The following STAT3 variants were observed in gnomAD, a reference collection of about 807,000 sequenced individuals.
STAT3 encodes the protein DNA-binding protein APRF.
Under a neutral mutation model 114.3 loss-of-function variants are expected in STAT3, and 7 were observed. That is an observed-to-expected ratio of 0.06 (90% CI 0.03 to 0.11). STAT3 has a LOEUF of 0.11. Among genes scored for constraint, STAT3 ranks in the 10% least tolerant of loss-of-function variants. STAT3 has a pLI of 1.00. For synonymous variants in STAT3, 331 were observed against 354.5 expected (o/e 0.93, Z 0.74); for missense variants, 364 against 960.9 (o/e 0.38, Z 8.21).
intron 4 of STAT3, among the ~76,000 whole-genome samples, chr17:42,341,403 G>A (rs1040511294): frequency 2.0e-5 from 3 of 152,220 alleles, no homozygotes; most frequent in African/African-American, 7.2e-5. Flanking sequence ...AGCATGGCCT[G>A]GGCTTCAGCC....
chr17:42,323,713 C>A, intron 17 of STAT3, 88 bp from the exon 18 acceptor site: 1 of 1,182,740 alleles, frequency 8.5e-7, no homozygotes, highest in East Asian at 2.5e-5. Context: ...CACATTCATC[C>A]CACAATGGGC....
chr17:42,333,802 A>G lies in STAT3; in HGVS notation c.957-37T>C. On this transcript the variant is annotated intron_variant, in intron 9 of 23. Transcript: ENST00000264657. The surrounding 1 kb of genome is among the most constrained non-coding windows in gnomAD (Gnocchi z 5.2). ...GAAGATGGGCTCACGCGCCACGGCCATGACCAGAAGTCAGCCCGCCTCTCA... is the reference window on the plus strand; with the variant it reads ...GAAGATGGGCTCACGCGCCACGGCCGTGACCAGAAGTCAGCCCGCCTCTCA... 1.2e-6 allele frequency: 2 copies of G among 1,614,196 alleles called. No homozygotes were observed. The highest frequency in any genetic ancestry group is 1.7e-6 in the Non-Finnish European group (2 of 1,180,012).
intron 4 of STAT3, among the ~76,000 whole-genome samples, chr17:42,343,906 C>T (rs1452378883): frequency 6.6e-6 from 1 of 152,124 alleles, no homozygotes; most frequent in Admixed American, 6.6e-5. Context: ...CTTGGATCTT[C>T]GAGGAAGACC....
chr17:42,381,292 T>A (rs2145367006), intron 1 of STAT3, among the ~76,000 whole-genome samples: 1 of 152,212 alleles, frequency 6.6e-6, no homozygotes, highest in African/African-American at 2.4e-5. Flanking sequence ...AATTCAAAGG[T>A]CAGGTAAAAT....
chr17:42,318,995 C>T (rs1236847696), intron 21 of STAT3, among the ~76,000 whole-genome samples: 1 of 152,144 alleles, frequency 6.6e-6, no homozygotes, highest in East Asian at 1.9e-4. Flanking sequence ...AATCCCTGCA[C>T]TTTGGGAGGC....
chr17:42,317,092 T>C, intron 22 of STAT3, 90 bp downstream of exon 22: 1 of 1,599,242 alleles, frequency 6.3e-7, no homozygotes, highest in South Asian at 1.1e-5. Flanking sequence ...TTCCAACCTT[T>C]GGCAGATTAA....
Position 42,333,791 on chromosome 17 carries a change from G to A in STAT3, c.957-26C>T, listed in dbSNP as rs368742000. ...CTGAGGAAAGAGAAGATGGGCTCAC[G>A]CGCCACGGCCATGACCAGAAGTCAG... On this transcript the variant is annotated intron_variant, in intron 9 of 23. Transcript: ENST00000264657. This position sits in a 1 kb window ranked among gnomAD's most constrained non-coding sequence, Gnocchi z 5.2. 28 of 1,614,008 alleles carry A rather than the reference G, an allele frequency of 1.7e-5. No individual in the cohort carries two copies. In the African/African-American group the frequency reaches 1.9e-4, roughly 11 times the overall value.
At chr17:42,316,162 T>A in intron 23 of STAT3, 2 of 986,648 alleles carry the variant, frequency 2.0e-6, no homozygotes, top group Non-Finnish European at 2.6e-6. Flanking sequence ...GCTGTGGCTG[T>A]CAAAAGCCCA....
chr17:42,323,504 C>G, intron 18 of STAT3, 69 bp downstream of exon 18: 3 of 1,587,462 alleles, frequency 1.9e-6, no homozygotes, highest in South Asian at 2.2e-5. Context: ...GCCTTCAAGC[C>G]AGAGCCCTCA....
intron 1 of STAT3, among the ~76,000 whole-genome samples, chr17:42,365,262 A>C (rs2083714747): frequency 6.6e-6 from 1 of 152,226 alleles, no homozygotes; most frequent in Non-Finnish European, 1.5e-5. Context: ...AGGGGAGGCC[A>C]CAAGTAGGCA....
intron 1 of STAT3, among the ~76,000 whole-genome samples, chr17:42,379,933 T>C (rs1008072356): frequency 2.6e-5 from 4 of 152,246 alleles, no homozygotes; most frequent in Admixed American, 1.3e-4. Context: ...AATTATTCTT[T>C]CTCTCCTTTG....
chr17:42,331,564 G>C, intron 10 of STAT3, 33 bp from the exon 11 acceptor site: 1 of 1,547,106 alleles, frequency 6.5e-7, no homozygotes, highest in Non-Finnish European at 8.9e-7. Flanking sequence ...AGGAAAAAAA[G>C]TCAGTAACTC....
intron 8 of STAT3, among the ~76,000 whole-genome samples, chr17:42,335,145 GAC>G (rs2144847408): frequency 6.7e-6 from 1 of 149,486 alleles, no homozygotes; most frequent in South Asian, 2.1e-4. Context: ...TTTTTTTTGA[GAC>G]AGGGTCCCAC....
intron 1 of STAT3, among the ~76,000 whole-genome samples, chr17:42,348,879 T>C (rs1476569011): frequency 6.6e-6 from 1 of 152,084 alleles, no homozygotes; most frequent in Non-Finnish European, 1.5e-5. Context: ...CACCTTGGGA[T>C]AATCACAGCT....
intron 1 of STAT3, among the ~76,000 whole-genome samples, chr17:42,385,209 A>T (rs1424693893): frequency 1.3e-5 from 2 of 152,162 alleles, no homozygotes; most frequent in Non-Finnish European, 2.9e-5. Flanking sequence ...ACAAAGTTGC[A>T]AAAGGTATAT....
At chr17:42,317,292 G>A in intron 21 of STAT3, 68 bp from the exon 22 acceptor site, 1 of 1,565,626 alleles carries the variant, frequency 6.4e-7, no homozygotes, top group Non-Finnish European at 8.7e-7. Context: ...GCTGGAGGAA[G>A]CCATCTGCCT....
At chr17:42,317,099 T>A in intron 22 of STAT3, 83 bp downstream of exon 22, 1 of 1,603,104 alleles carries the variant, frequency 6.2e-7, no homozygotes, top group South Asian at 1.1e-5. Flanking sequence ...CTTTGGCAGA[T>A]TAACTCTCAC....
At chr17:42,316,764 C>A in intron 23 of STAT3, 25 bp downstream of exon 23, 3 of 1,613,856 alleles carry the variant, frequency 1.9e-6, no homozygotes, top group Non-Finnish European at 2.5e-6. Context: ...CTTATAGGGA[C>A]AAAGTCTGTC....
At chr17:42,355,684 G>A (rs1300645544) in intron 1 of STAT3, among the ~76,000 whole-genome samples, 1 of 152,128 alleles carries the variant, frequency 6.6e-6, no homozygotes, top group African/African-American at 2.4e-5. Context: ...TTGTCTAATT[G>A]GGAACTTATT....
Sources: gnomAD v4.1 joint callset for allele counts (sites outside exome capture counted in the v4.1 genomes callset) on GRCh38, gnomAD v4.1.1 for gene constraint, Gnocchi (gnomAD v3.1) non-coding constraint, MANE v1.5 for transcripts, NCBI Gene and HGNC (gene_info 2026-07-23, HGNC 2026-07-21) for gene names.